Variants in LTBP1 observed in about 807,000 individuals in gnomAD.
LTBP1 encodes the protein latent transforming growth factor beta binding protein 1.
A neutral mutation model predicts 207.6 loss-of-function variants in LTBP1; 129 were observed. The observed-to-expected ratio is 0.62, with a 90% CI of 0.54 to 0.72. The LOEUF is 0.72. Ranked by LOEUF, LTBP1 falls within the 30% of genes least tolerant of loss-of-function variation. The probability of loss-of-function intolerance (pLI) is 0.00; values close to 1 mark genes in which losing one functional copy is unlikely to be tolerated. For missense variants in LTBP1, 2,281 were observed against 2,217.2 expected (o/e 1.03, Z -0.58); for synonymous variants, 963 against 833.7 (o/e 1.16, Z -2.67).
intron 24 of LTBP1, among the ~76,000 whole-genome samples, chr2:33,332,667 C>T (rs1180926774): frequency 5.3e-5 from 8 of 151,956 alleles, no homozygotes; most frequent in African/African-American, 1.5e-4. Flanking sequence ...CGCCATTCTC[C>T]TGCCTCAGCC....
intron 2 of LTBP1, among the ~76,000 whole-genome samples, chr2:32,954,681 A>G (rs1212658308): frequency 6.6e-6 from 1 of 151,804 alleles, no homozygotes; most frequent in African/African-American, 2.4e-5. Flanking sequence ...GGGGAGTACA[A>G]TTCAATTCAT....
rs115897950 is a variant in LTBP1, at chr2:33,077,491, A to T, written c.864-33091A>T. The stretch of plus-strand genomic sequence containing the variant: ...GGCAGAAGGCAAAGTCAGAGCAAGC[A>T]TCTTCACATGGCCAGAGCAGGAGGA... On this transcript the variant is annotated intron_variant, in intron 3 of 33. Transcript: ENST00000404816. 7.6e-3 allele frequency among the ~76,000 whole-genome samples: 1,161 copies of T among 152,314 alleles called. 14 individuals are homozygous for T. The highest frequency in any genetic ancestry group is 0.026 in the African/African-American group (1,078 of 41,574).
intron 7 of LTBP1, among the ~76,000 whole-genome samples, chr2:33,190,793 C>T (rs1020737571): frequency 6.6e-6 from 1 of 152,164 alleles, no homozygotes; most frequent in Non-Finnish European, 1.5e-5. Flanking sequence ...GGGACAGCAT[C>T]GATCCCACAA....
At chr2:33,261,991 C>G (rs923427830) in intron 13 of LTBP1, among the ~76,000 whole-genome samples, 3 of 152,168 alleles carry the variant, frequency 2.0e-5, no homozygotes, top group Non-Finnish European at 4.4e-5. Flanking sequence ...AGTCACAGAT[C>G]CTTAACTAGG....
rs899334885 is a variant in LTBP1 at position 33,334,939 on chromosome 2, C to T, written c.3731-7899C>T. Among the ~76,000 whole-genome samples the T allele has an allele frequency of 8.6e-4, 130 of 150,390 alleles. 2 individuals carry two copies. Among genetic ancestry groups the T allele is most frequent in the Middle Eastern group, 3.5e-3 (1 of 288 alleles). ...AAAAAAAAAAAAAAAAAATGCCAGG[C>T]ATGGCAGCATACACCTGTGGTCCCA... is the stretch of plus-strand genomic sequence containing the variant. On this transcript the variant is annotated intron_variant, in intron 24 of 33. Transcript: ENST00000404816.
At chr2:33,001,466 C>T (rs4952330) in intron 2 of LTBP1, among the ~76,000 whole-genome samples, 12,937 of 134,298 alleles carry the variant, frequency 0.096, 3,597 homozygotes, top group East Asian at 0.87. Flanking sequence ...GAACAACTGC[C>T]TTAAGATTAA....
intron 23 of LTBP1, among the ~76,000 whole-genome samples, chr2:33,313,368 G>C (rs1350418492): frequency 6.6e-6 from 1 of 152,212 alleles, no homozygotes; most frequent in African/African-American, 2.4e-5. Context: ...CAGAATTTCT[G>C]TTGCACGGGA....
At chr2:33,126,641 A>G (rs186297277) in intron 4 of LTBP1, among the ~76,000 whole-genome samples, 10 of 152,320 alleles carry the variant, frequency 6.6e-5, no homozygotes, top group South Asian at 6.2e-4. Context: ...TTGTTTTTCA[A>G]TTTTATTTAT....
At chr2:33,371,605 A>G (rs186515411) in intron 31 of LTBP1, among the ~76,000 whole-genome samples, 1 of 152,220 alleles carries the variant, frequency 6.6e-6, no homozygotes. Context: ...TTGGTTGCAT[A>G]TGGAGTTTAT....
At chr2:33,271,531 C>T (rs2093321735) in intron 15 of LTBP1, among the ~76,000 whole-genome samples, 1 of 151,410 alleles carries the variant, frequency 6.6e-6, no homozygotes, top group Non-Finnish European at 1.5e-5. Context: ...ATGAGTATAA[C>T]CTGGTGAAGA....
chr2:33,244,737 G>A (rs577155764), intron 10 of LTBP1, among the ~76,000 whole-genome samples: 1 of 152,206 alleles, frequency 6.6e-6, no homozygotes, highest in Admixed American at 6.5e-5. Flanking sequence ...CTATAGACAT[G>A]GGCCTTGTAG....
intron 20 of LTBP1, among the ~76,000 whole-genome samples, chr2:33,297,221 C>T (rs1056973077): frequency 3.3e-5 from 5 of 152,136 alleles, no homozygotes; most frequent in East Asian, 1.9e-4. Context: ...ATTCTAATGG[C>T]GTCTTCCCAT....
chr2:33,093,418 A>T (rs1266826793), intron 3 of LTBP1, among the ~76,000 whole-genome samples: 2 of 152,072 alleles, frequency 1.3e-5, no homozygotes, highest in Admixed American at 1.3e-4. Flanking sequence ...TTGAAAAAAA[A>T]TTACACAATT....
intron 5 of LTBP1, among the ~76,000 whole-genome samples, chr2:33,163,406 G>T (rs1298691837): frequency 2.0e-5 from 3 of 152,224 alleles, no homozygotes; most frequent in African/African-American, 7.2e-5. Flanking sequence ...GACAATTGGA[G>T]ACTGTGACTA....
intron 11 of LTBP1, 133 bp from the exon 12 acceptor site, chr2:33,257,151 A>G: frequency 1.5e-6 from 1 of 667,892 alleles, no homozygotes. Context: ...TACATTTTGC[A>G]CCTGTTTTTG....
chr2:33,118,340 C>T lies in LTBP1; in HGVS notation c.1033+7589C>T, dbSNP rs115603321. Among the ~76,000 whole-genome samples, 432 of 152,232 alleles carry T rather than the reference C, an allele frequency of 2.8e-3. 4 individuals carry two copies. The highest frequency in any genetic ancestry group is 9.9e-3 in the African/African-American group (411 of 41,562). On this transcript the variant is annotated intron_variant, in intron 4 of 33. Transcript: ENST00000404816. The stretch of plus-strand genomic sequence containing the variant: ...TGAAAACCAGCAAAAACTGCTTAAG[C>T]ATTTAAGAGGAATATTAGGTGTGAA...
chr2:33,285,032 A>ATTTTT (rs1328883301), intron 19 of LTBP1, among the ~76,000 whole-genome samples: 1 of 137,256 alleles, frequency 7.3e-6, no homozygotes, highest in African/African-American at 2.8e-5. Flanking sequence ...TATGTATCAC[A>ATTTTT]TTCTTTTTTT....
intron 25 of LTBP1, among the ~76,000 whole-genome samples, chr2:33,344,719 G>C (rs2094678724): frequency 6.6e-6 from 1 of 152,190 alleles, no homozygotes; most frequent in Non-Finnish European, 1.5e-5. Flanking sequence ...ACCACCTGCA[G>C]ACCGCTTCTG....
intron 3 of LTBP1, among the ~76,000 whole-genome samples, chr2:33,057,374 C>G (rs1461051594): frequency 6.6e-6 from 1 of 152,252 alleles, no homozygotes; most frequent in African/African-American, 2.4e-5. Context: ...CCCAGTGGGT[C>G]TCCCACTGGG....
Sources: gnomAD v4.1 joint callset for allele counts (sites outside exome capture counted in the v4.1 genomes callset) on GRCh38, gnomAD v4.1.1 for gene constraint, MANE v1.5 for transcripts, NCBI Gene and HGNC (gene_info 2026-07-23, HGNC 2026-07-21) for gene names.